FGF10: variants seen among roughly 807,000 people sequenced by gnomAD.
FGF10 encodes the protein fibroblast growth factor 10.
In FGF10, 2 loss-of-function variants were observed where a neutral mutation model predicts 19.8. The observed-to-expected ratio is 0.10, with a 90% confidence interval of 0.04 to 0.32. The LOEUF is 0.32. Ranked by LOEUF, FGF10 falls within the 10% of genes least tolerant of loss-of-function variation. The pLI is 1.00. For synonymous variants in FGF10, 112 were observed against 94.0 expected, an observed-to-expected ratio of 1.19 and a Z score of -1.10; for missense variants, 191 against 246.3, an observed-to-expected ratio of 0.78 and a Z score of 1.50.
At chr5:44,377,070 T>C (rs542922875) in intron 1 of FGF10, among the ~76,000 whole-genome samples, 121 of 152,336 alleles carry the variant, frequency 7.9e-4, no homozygotes, top group Non-Finnish European at 1.4e-3. Context: ...GTTTCCTCCC[T>C]GTGATTTCCT....
At chr5:44,323,240 C>T (rs1375915010) in intron 1 of FGF10, among the ~76,000 whole-genome samples, 1 of 152,158 alleles carries the variant, frequency 6.6e-6, no homozygotes, top group African/African-American at 2.4e-5. Context: ...AAGAGAGCAT[C>T]ACACATCATT....
chr5:44,378,898 C>T (rs763438886), intron 1 of FGF10, among the ~76,000 whole-genome samples: 3 of 152,126 alleles, frequency 2.0e-5, no homozygotes, highest in Non-Finnish European at 4.4e-5. Flanking sequence ...CATATAGTAT[C>T]CTTTTGATTA....
intron 1 of FGF10, among the ~76,000 whole-genome samples, chr5:44,360,407 C>A (rs1196503116): frequency 6.6e-6 from 1 of 151,476 alleles, no homozygotes. Flanking sequence ...TTAACACTCC[C>A]TTCCCTAGGG....
rs144921403 is a variant in FGF10 at position 44,381,722 on chromosome 5, C to T, written c.325+6636G>A. 2.0e-3 allele frequency among the ~76,000 whole-genome samples: 305 copies of T among 152,296 alleles called. 3 individuals are homozygous for T. The highest frequency in any genetic ancestry group is 7.1e-3 in the African/African-American group (294 of 41,572). ...TGCTTATCAGTAAAGCATGTTAACA[C>T]AAGGTCCTTGAAGAAAAGTAATAAT... On this transcript the variant is annotated intron_variant, in intron 1 of 2. Transcript: ENST00000264664.
At chr5:44,332,633 C>T (rs1014965221) in intron 1 of FGF10, among the ~76,000 whole-genome samples, 40 of 152,166 alleles carry the variant, frequency 2.6e-4, no homozygotes, top group African/African-American at 4.8e-5. Context: ...GCTTCTCAAG[C>T]TATACACATC....
At chr5:44,335,388 A>G (rs1740823795) in intron 1 of FGF10, among the ~76,000 whole-genome samples, 1 of 152,062 alleles carries the variant, frequency 6.6e-6, no homozygotes, top group African/African-American at 2.4e-5. Context: ...ATTTATAGCT[A>G]GTGTTCTACT....
At chr5:44,358,102 A>G (rs538866674) in intron 1 of FGF10, among the ~76,000 whole-genome samples, 1 of 151,636 alleles carries the variant, frequency 6.6e-6, no homozygotes, top group East Asian at 1.9e-4. Context: ...AACAGAAAGA[A>G]TATTATACAT....
At position 44,331,822 on chromosome 5, in the gene FGF10, A is replaced by G. The variant is rs1282447126; in HGVS notation, c.326-21292T>C. Among the ~76,000 whole-genome samples the G allele has an allele frequency of 2.6e-5, 4 of 152,146 alleles. No homozygotes were observed. In the East Asian group the frequency reaches 7.7e-4, roughly 29 times the overall value. ...GATCATCGAGAGCAGAAATCATGCTAGCATCATGCTAAAAAGAATGTCTAA... is the reference window on the plus strand; with the variant it reads ...GATCATCGAGAGCAGAAATCATGCTGGCATCATGCTAAAAAGAATGTCTAA... On this transcript the variant is annotated intron_variant, in intron 1 of 2. Coordinates refer to ENST00000264664, the MANE Select transcript of FGF10 (RefSeq NM_004465.2).
chr5:44,366,562 T>C lies in FGF10; in HGVS notation c.325+21796A>G, dbSNP rs1741618705. 2.0e-5 allele frequency among the ~76,000 whole-genome samples: 3 copies of C among 151,992 alleles called. No homozygotes were observed. The South Asian group carries it at 6.2e-4, about 31-fold the overall frequency. On this transcript the variant is annotated intron_variant, in intron 1 of 2. Transcript: ENST00000264664. The stretch of plus-strand genomic sequence containing the variant: ...TTTAAGTGAATTAGTCTGTTTCCTT[T>C]AAACAGGAGAGATTAACAAGCTACC...
chr5:44,380,825 A>G (rs568859400), intron 1 of FGF10, among the ~76,000 whole-genome samples: 1 of 152,190 alleles, frequency 6.6e-6, no homozygotes, highest in East Asian at 1.9e-4. Context: ...TACAAAACGA[A>G]CAAACAAAAA....
chr5:44,318,649 T>G (rs1740412071), intron 1 of FGF10, among the ~76,000 whole-genome samples: 1 of 152,180 alleles, frequency 6.6e-6, no homozygotes, highest in South Asian at 2.1e-4. Context: ...ATGTTATCAC[T>G]TCTGGGAAAA....
At position 44,366,127 on chromosome 5, in the gene FGF10, CTTTTTT is replaced by C. The variant is rs35522683; in HGVS notation, c.325+22225_325+22230del. The stretch of plus-strand genomic sequence containing the variant: ...CTCTCACCTCTATATCAATTATTTC[CTTTTTT>C]TTTTTTTTTTTTTTTTTTGCTGTTT... On this transcript the variant is annotated intron_variant, in intron 1 of 2. Coordinates refer to ENST00000264664, the MANE Select transcript of FGF10 (RefSeq NM_004465.2). 7.7e-3 allele frequency among the ~76,000 whole-genome samples: 573 copies of C among 74,876 alleles called. 2 individuals are homozygous for C. The highest frequency in any genetic ancestry group is 0.027 in the African/African-American group (527 of 19,858). The allele number at this position is 74,876 out of a possible 152,430, so 49.1% of individuals were successfully genotyped here. A position where few individuals can be genotyped will look rare whatever the true frequency, so the allele number is the denominator to read the frequency against.
chr5:44,351,142 T>C (rs955281717), intron 1 of FGF10, among the ~76,000 whole-genome samples: 7 of 151,540 alleles, frequency 4.6e-5, no homozygotes, highest in Non-Finnish European at 7.4e-5. Context: ...TCTCTTATCC[T>C]TTTTCTTTAG....
chr5:44,357,300 A>C (rs1158219845), intron 1 of FGF10, among the ~76,000 whole-genome samples: 1 of 151,456 alleles, frequency 6.6e-6, no homozygotes, highest in Non-Finnish European at 1.5e-5. Flanking sequence ...ATGTTTTTGC[A>C]CAAAGTCACA....
intron 1 of FGF10, among the ~76,000 whole-genome samples, chr5:44,368,643 G>A (rs778285523): frequency 2.7e-4 from 41 of 152,062 alleles, no homozygotes; most frequent in South Asian, 1.0e-3. Context: ...AGAAAAATGC[G>A]TCAGTGTGTA....
chr5:44,386,961 A>C (rs1742112542), intron 1 of FGF10, among the ~76,000 whole-genome samples: 1 of 152,228 alleles, frequency 6.6e-6, no homozygotes, highest in Non-Finnish European at 1.5e-5. Flanking sequence ...GGAATCTTGA[A>C]ATGTTTGACT....
At chr5:44,344,566 C>CTGTGTGTGTGTGTGTG (rs1455840251) in intron 1 of FGF10, among the ~76,000 whole-genome samples, 15 of 16,056 alleles carry the variant, frequency 9.3e-4, no homozygotes, top group Admixed American at 2.0e-3. Context: ...GTTTTGTTTT[C>CTGTGTGTGTGTGTGTG]TCTGTGTGTG....
intron 1 of FGF10, among the ~76,000 whole-genome samples, chr5:44,385,196 T>A (rs1336338398): frequency 2.0e-5 from 3 of 152,142 alleles, no homozygotes; most frequent in Non-Finnish European, 4.4e-5. Context: ...AGAAACATAA[T>A]TCATCTCTGC....
intron 1 of FGF10, among the ~76,000 whole-genome samples, chr5:44,321,505 T>C (rs914994083): frequency 1.3e-5 from 2 of 152,206 alleles, no homozygotes; most frequent in Non-Finnish European, 2.9e-5. Flanking sequence ...TCATTTTGTG[T>C]CAGTATATGC....
Sources: gnomAD v4.1 joint callset for allele counts (sites outside exome capture counted in the v4.1 genomes callset) on GRCh38, gnomAD v4.1.1 for gene constraint, MANE v1.5 for transcripts, NCBI Gene and HGNC (gene_info 2026-07-23, HGNC 2026-07-21) for gene names.